ERBB4: variants seen among roughly 807,000 people sequenced by gnomAD.
ERBB4 encodes the protein receptor tyrosine-protein kinase erbB-4.
Under a neutral mutation model 158.0 loss-of-function variants are expected in ERBB4, and 42 were observed. That is an observed-to-expected ratio of 0.27 (90% confidence interval 0.21 to 0.34). The LOEUF is 0.34. Ranked by LOEUF, ERBB4 falls within the 10% of genes least tolerant of loss-of-function variation. The pLI, the probability that ERBB4 is intolerant of heterozygous loss-of-function variation, is 1.00. For missense variants in ERBB4, 1,333 were observed against 1,624.1 expected (o/e 0.82, Z 3.08); for synonymous variants, 583 against 558.7 (o/e 1.04, Z -0.61).
At chr2:211,947,742 A>G in intron 2 of ERBB4, 126 bp from the exon 3 acceptor site, 2 of 757,626 alleles carry the variant, frequency 2.6e-6, no homozygotes, top group Non-Finnish European at 4.5e-6. Flanking sequence ...ATTATTTTCC[A>G]TATCATATTC....
intron 3 of ERBB4, among the ~76,000 whole-genome samples, chr2:211,934,594 A>T (rs576341233): frequency 1.5e-4 from 23 of 152,114 alleles, no homozygotes; most frequent in African/African-American, 4.3e-4. Context: ...TCTCTAAAAA[A>T]TAAATACTAG....
chr2:212,382,542 G>A (rs1463991447), intron 1 of ERBB4, among the ~76,000 whole-genome samples: 1 of 150,508 alleles, frequency 6.6e-6, no homozygotes, highest in African/African-American at 2.4e-5. Context: ...ACTGTTCAAT[G>A]AATATTTTAA....
At chr2:212,324,492 T>C (rs1231800289) in intron 1 of ERBB4, among the ~76,000 whole-genome samples, 2 of 149,706 alleles carry the variant, frequency 1.3e-5, no homozygotes, top group Non-Finnish European at 3.0e-5. Context: ...TTTGTTTTTT[T>C]TTCCTTTAGT....
chr2:212,230,823 T>C (rs2083639761), intron 1 of ERBB4, among the ~76,000 whole-genome samples: 1 of 151,998 alleles, frequency 6.6e-6, no homozygotes. Flanking sequence ...TGATAAAGAG[T>C]CTAGAGTCTC....
intron 1 of ERBB4, among the ~76,000 whole-genome samples, chr2:212,459,897 T>A (rs1688486718): frequency 6.6e-6 from 1 of 152,110 alleles, no homozygotes; most frequent in South Asian, 2.1e-4. Context: ...TGGAAAATAA[T>A]AAAACTAGAC....
intron 16 of ERBB4, among the ~76,000 whole-genome samples, chr2:211,651,578 G>A (rs2070984222): frequency 6.6e-6 from 1 of 151,876 alleles, no homozygotes; most frequent in African/African-American, 2.4e-5. Flanking sequence ...ATCAGCAAGG[G>A]CCTGACTTAA....
intron 2 of ERBB4, among the ~76,000 whole-genome samples, chr2:212,048,610 G>A (rs1258971791): frequency 6.6e-6 from 1 of 152,180 alleles, no homozygotes; most frequent in Non-Finnish European, 1.5e-5. Flanking sequence ...AAGAGACTGG[G>A]GAAAAATGAA....
intron 15 of ERBB4, among the ~76,000 whole-genome samples, chr2:211,661,990 G>T (rs1197305499): frequency 5.8e-5 from 7 of 120,958 alleles, no homozygotes; most frequent in Non-Finnish European, 1.1e-4. Context: ...AGTGAGCCGA[G>T]ATCCCGCCAC....
chr2:212,249,253 T>G (rs533942172), intron 1 of ERBB4, among the ~76,000 whole-genome samples: 1 of 152,030 alleles, frequency 6.6e-6, no homozygotes, highest in Non-Finnish European at 1.5e-5. Flanking sequence ...CTCCCACATA[T>G]GACTAAGGAA....
chr2:212,319,880 T>A (rs2106261303), intron 1 of ERBB4, among the ~76,000 whole-genome samples: 1 of 150,358 alleles, frequency 6.7e-6, no homozygotes, highest in African/African-American at 2.4e-5. Flanking sequence ...ATTATCAAGA[T>A]AACTTCATGT....
chr2:212,473,920 A>G (rs1685583625), intron 1 of ERBB4, among the ~76,000 whole-genome samples: 1 of 152,152 alleles, frequency 6.6e-6, no homozygotes, highest in African/African-American at 2.4e-5. Flanking sequence ...ATGTTTTAAT[A>G]TCCATATTAA....
chr2:211,501,505 A>AC (rs1553549944), intron 20 of ERBB4, among the ~76,000 whole-genome samples: 2,225 of 151,750 alleles, frequency 0.015, 71 homozygotes, highest in African/African-American at 0.05. Context: ...ATTAAAAAAA[A>AC]CAGCATAAAT....
intron 20 of ERBB4, among the ~76,000 whole-genome samples, chr2:211,544,335 A>G (rs1055025950): frequency 3.9e-5 from 6 of 152,110 alleles, no homozygotes; most frequent in African/African-American, 1.4e-4. Context: ...ACAGGAAATA[A>G]GAGCTTTTTT....
At position 212,294,024 on chromosome 2, in the gene ERBB4, A is replaced by C. The variant is rs140867080; in HGVS notation, c.83-169121T>G. The stretch of plus-strand genomic sequence containing the variant: ...ATCAGAATTGACACTAAATACAAAA[A>C]TTTATATTTTCTTCAACAGTATTAA... On this transcript the variant is annotated intron_variant, in intron 1 of 27. Coordinates refer to ENST00000342788, the MANE Select transcript of ERBB4 (RefSeq NM_005235.3). Among the ~76,000 whole-genome samples the C allele has an allele frequency of 5.7e-3, 872 of 152,082 alleles. 15 individuals are homozygous for C. Among genetic ancestry groups the C allele is most frequent in the South Asian group, 0.049 (236 of 4,822 alleles).
chr2:211,712,965 C>T (rs2073760437), intron 8 of ERBB4, among the ~76,000 whole-genome samples: 1 of 152,078 alleles, frequency 6.6e-6, no homozygotes, highest in African/African-American at 2.4e-5. Context: ...AGGTTTCATT[C>T]TGGTGAGGAA....
chr2:211,796,954 A>G (rs2076395947), intron 3 of ERBB4, among the ~76,000 whole-genome samples: 1 of 151,980 alleles, frequency 6.6e-6, no homozygotes, highest in Non-Finnish European at 1.5e-5. Context: ...AATTAAAACT[A>G]CATTAATAAT....
At chr2:212,400,205 G>A (rs998655528) in intron 1 of ERBB4, among the ~76,000 whole-genome samples, 1 of 152,150 alleles carries the variant, frequency 6.6e-6, no homozygotes, top group Non-Finnish European at 1.5e-5. Flanking sequence ...AAGTAGAGAA[G>A]GGACATGATT....
At chr2:211,524,017 G>C (rs1295885627) in intron 20 of ERBB4, among the ~76,000 whole-genome samples, 1 of 152,092 alleles carries the variant, frequency 6.6e-6, no homozygotes, top group Non-Finnish European at 1.5e-5. Context: ...CACCAGAATA[G>C]GTAGATACAG....
At chr2:212,359,751 T>C (rs1370129575) in intron 1 of ERBB4, among the ~76,000 whole-genome samples, 1 of 151,790 alleles carries the variant, frequency 6.6e-6, no homozygotes, top group Admixed American at 6.6e-5. Context: ...GTGAAGATTG[T>C]CTGTGTTTTC....
Sources: allele counts gnomAD v4.1 joint callset (sites outside exome capture counted in the v4.1 genomes callset), GRCh38; gene constraint gnomAD v4.1.1; transcripts MANE v1.5; gene names NCBI Gene and HGNC (gene_info 2026-07-23, HGNC 2026-07-21).